Variants in ABCB11 observed in about 807,000 individuals in gnomAD.
ABCB11 encodes ATP binding cassette subfamily B member 11, also known as bile salt export pump.
Under a neutral mutation model 148.0 loss-of-function variants are expected in ABCB11, and 95 were observed. The observed-to-expected ratio is 0.64, with a 90% CI of 0.54 to 0.76. ABCB11 has a LOEUF of 0.76. ABCB11 is among the 30% of genes least tolerant of loss of function. The probability of loss-of-function intolerance (pLI) is 0.00; values close to 1 mark genes in which losing one functional copy is unlikely to be tolerated. For missense variants in ABCB11, 1,523 were observed against 1,617.8 expected (o/e 0.94, Z 1.01); for synonymous variants, 591 against 555.4 (o/e 1.06, Z -0.90).
At position 168,958,044 on chromosome 2, in the gene ABCB11, T is replaced by A. The variant is rs368297188; in HGVS notation, c.2263A>T (p.Met755Leu). ...LKFSAPEWPY[M>L]LVGSVGAAVN... ...GCTGCACCCACAGACCCTACCAGCA[T>A]GTAGGGCCATTCTGGAGCACTGAAT... The change falls in exon 19 of 28, where the codon ATG (methionine) becomes TTG (leucine). Residue 755 changes from methionine to leucine, a missense_variant. Coordinates refer to ENST00000650372, the MANE Select transcript of ABCB11 (RefSeq NM_003742.4). The A allele has an allele frequency of 6.2e-7, 1 of 1,611,272 alleles. No homozygotes were observed. The highest frequency in any genetic ancestry group is 1.1e-5 in the South Asian group (1 of 90,966).
At chr2:168,938,142 C>T (rs1361074240) in intron 21 of ABCB11, among the ~76,000 whole-genome samples, 3 of 152,186 alleles carry the variant, frequency 2.0e-5, no homozygotes, top group Admixed American at 6.5e-5. Context: ...ATTGAAGACA[C>T]AAATGGAATA....
rs1691108519 is a variant in ABCB11 at position 168,922,420 on chromosome 2, T to C, written c.*1202A>G. Among the ~76,000 whole-genome samples, 1 of 152,186 alleles carries C rather than the reference T, an allele frequency of 6.6e-6. No homozygotes were observed. The highest frequency in any genetic ancestry group is 1.5e-5 in the Non-Finnish European group (1 of 68,032). On this transcript the variant is annotated 3_prime_UTR_variant, in exon 28 of 28. Transcript: ENST00000650372. ...GCGGGGCTCTGCAATTCTGTTTCCATACAGGCTTTTGGTCCATTCTTCTGT... is the reference window on the plus strand; with the variant it reads ...GCGGGGCTCTGCAATTCTGTTTCCACACAGGCTTTTGGTCCATTCTTCTGT...
downstream of ABCB11, among the ~76,000 whole-genome samples, chr2:168,917,811 C>A (rs1382728485): frequency 6.6e-6 from 1 of 152,166 alleles, no homozygotes; most frequent in Admixed American, 6.5e-5. Flanking sequence ...TATTCTAATT[C>A]TGTGTTGTCC....
Position 169,029,898 on chromosome 2 carries a change from G to A in ABCB11, c.-28+1327C>T, listed in dbSNP as rs1000696779. Among the ~76,000 whole-genome samples, 47 of 145,958 alleles carry A rather than the reference G, an allele frequency of 3.2e-4. 3 individuals are homozygous for A. Among genetic ancestry groups the A allele is most frequent in the African/African-American group, 1.2e-3 (46 of 38,760 alleles). On this transcript the variant is annotated intron_variant, in intron 1 of 27. Coordinates refer to ENST00000650372, the MANE Select transcript of ABCB11 (RefSeq NM_003742.4). ...TGGGACTACAGGCGCCCGCCACCGC[G>A]CCCGGCTAATTTTTTGTATTTTTAG... is the stretch of plus-strand genomic sequence containing the variant.
intron 9 of ABCB11, among the ~76,000 whole-genome samples, chr2:168,986,612 T>C (rs1274966828): frequency 2.0e-5 from 3 of 152,108 alleles, no homozygotes; most frequent in African/African-American, 4.8e-5. Context: ...GTTTGAAGTG[T>C]TTCCTTGAGT....
chr2:168,931,948 C>T (rs1168605214), intron 24 of ABCB11, among the ~76,000 whole-genome samples: 2 of 152,168 alleles, frequency 1.3e-5, no homozygotes, highest in African/African-American at 4.8e-5. Context: ...TCCCTAATGG[C>T]TGTCCTGCAC....
intron 19 of ABCB11, among the ~76,000 whole-genome samples, chr2:168,949,069 C>T (rs918866856): frequency 1.3e-5 from 2 of 151,588 alleles, no homozygotes; most frequent in Non-Finnish European, 3.0e-5. Flanking sequence ...GGGCCCTAGT[C>T]CTGGCCCCAT....
At position 168,921,496 on chromosome 2, in the gene ABCB11, G is replaced by A. The variant is rs952434991; in HGVS notation, c.*2126C>T. 2.0e-4 allele frequency among the ~76,000 whole-genome samples: 30 copies of A among 152,050 alleles called. No homozygotes were observed. The highest frequency in any genetic ancestry group is 6.5e-4 in the African/African-American group (27 of 41,394). On this transcript the variant is annotated 3_prime_UTR_variant, in exon 28 of 28. Transcript: ENST00000650372. ...CTGTGACAAGAGCTCTTTTTTGTAT[G>A]TTCACTTTTATTGATTCCTGTTTTT...
intron 1 of ABCB11, among the ~76,000 whole-genome samples, chr2:169,020,994 G>T (rs1199816944): frequency 6.7e-6 from 1 of 149,402 alleles, no homozygotes; most frequent in Non-Finnish European, 1.5e-5. Context: ...ACCAAGTCTT[G>T]CTCTGTTGCC....
chr2:168,956,176 T>C (rs1692782948), intron 19 of ABCB11, among the ~76,000 whole-genome samples: 1 of 151,496 alleles, frequency 6.6e-6, no homozygotes, highest in Non-Finnish European at 1.5e-5. Flanking sequence ...CTACAAAGTT[T>C]TAAACAACCA....
chr2:168,972,064 G>C lies in ABCB11; in HGVS notation c.1435-14C>G. Reference sequence around the variant, plus strand: ...ATCCACGGTCACCTAGAGAGCATGGGCACAACATCACAACTTTTGGAATCT... The same window carrying C: ...ATCCACGGTCACCTAGAGAGCATGGCCACAACATCACAACTTTTGGAATCT... On this transcript the variant is annotated splice_polypyrimidine_tract_variant and intron_variant, in intron 13 of 27. Transcript: ENST00000650372. 1.2e-6 allele frequency: 2 copies of C among 1,608,472 alleles called. No homozygotes were observed. Among genetic ancestry groups the C allele is most frequent in the East Asian group, 4.5e-5 (2 of 44,616 alleles).
At position 168,923,330 on chromosome 2, in the gene ABCB11, CA is replaced by C; in HGVS notation, c.*291del. 2.0e-6 allele frequency: 1 copy of C among 503,028 alleles called. No homozygotes were observed. The highest frequency in any genetic ancestry group is 3.6e-6 in the Non-Finnish European group (1 of 280,214). 31.2% of individuals were successfully genotyped at this position (503,028 alleles called of 1,614,324 possible). Reference sequence around the variant, plus strand: ...ACATATTAATCAGGACTGGCTCCTGCACAGAGAAGCACTGAGTGGTGGCTGA... The same window carrying C: ...ACATATTAATCAGGACTGGCTCCTGCCAGAGAAGCACTGAGTGGTGGCTGA... On this transcript the variant is annotated 3_prime_UTR_variant, in exon 28 of 28. Coordinates refer to ENST00000650372, the MANE Select transcript of ABCB11 (RefSeq NM_003742.4).
intron 21 of ABCB11, among the ~76,000 whole-genome samples, 184 bp downstream of exon 21, chr2:168,944,421 C>A (rs573333423): frequency 6.6e-6 from 1 of 152,096 alleles, no homozygotes; most frequent in South Asian, 2.1e-4. Flanking sequence ...CTGGGCACTG[C>A]CTGGGAGACA....
chr2:168,921,897 G>T lies in ABCB11; in HGVS notation c.*1725C>A, dbSNP rs1339575924. 2.7e-5 allele frequency among the ~76,000 whole-genome samples: 4 copies of T among 146,174 alleles called. No individual in the cohort carries two copies. Among genetic ancestry groups the T allele is most frequent in the African/African-American group, 1.0e-4 (4 of 38,504 alleles). On this transcript the variant is annotated 3_prime_UTR_variant, in exon 28 of 28. Transcript: ENST00000650372. ...TTTTTTTCGCTCTGTCGCCCAGGCT[G>T]GAGTGCAGTGGCGCGATCTCGGCTC...
chr2:169,030,820 G>A (rs547164856), intron 1 of ABCB11, among the ~76,000 whole-genome samples: 1 of 151,984 alleles, frequency 6.6e-6, no homozygotes, highest in African/African-American at 2.4e-5. Flanking sequence ...AGCTTTCAAG[G>A]GTAGAATTTG....
intron 8 of ABCB11, among the ~76,000 whole-genome samples, chr2:168,992,908 T>C (rs534480674): frequency 2.0e-5 from 3 of 152,246 alleles, no homozygotes; most frequent in African/African-American, 7.2e-5. Context: ...AGTTTTTCAG[T>C]TAAATTCTAT....
At position 168,922,426 on chromosome 2, in the gene ABCB11, C is replaced by T. The variant is rs1237022363; in HGVS notation, c.*1196G>A. 4.6e-5 allele frequency among the ~76,000 whole-genome samples: 7 copies of T among 152,288 alleles called. No individual in the cohort carries two copies. In the South Asian group the frequency reaches 8.3e-4, roughly 18 times the overall value. ...CTCTGCAATTCTGTTTCCATACAGG[C>T]TTTTGGTCCATTCTTCTGTCTTCAG... On this transcript the variant is annotated 3_prime_UTR_variant, in exon 28 of 28. Coordinates refer to ENST00000650372, the MANE Select transcript of ABCB11 (RefSeq NM_003742.4).
chr2:168,924,806 G>C lies in ABCB11; in HGVS notation c.3619-3C>G. 6.2e-7 allele frequency: 1 copy of C among 1,605,342 alleles called. No individual in the cohort carries two copies. The highest frequency in any genetic ancestry group is 8.5e-7 in the Non-Finnish European group (1 of 1,176,700). The stretch of plus-strand genomic sequence containing the variant: ...GACCCAACGTTAGTTTCATATTTCT[G>C]AAAAAAAGTATGATAAGTTTGAGAA... On this transcript the variant is annotated splice_region_variant and splice_polypyrimidine_tract_variant and intron_variant, in intron 26 of 27. Transcript: ENST00000650372.
intron 4 of ABCB11, 72 bp downstream of exon 4, chr2:169,014,231 T>G: frequency 1.4e-6 from 2 of 1,435,162 alleles, no homozygotes; most frequent in Non-Finnish European, 9.8e-7. Flanking sequence ...ACTAAAGATT[T>G]AACACTCCCC....
Sources: allele counts gnomAD v4.1 joint callset (sites outside exome capture counted in the v4.1 genomes callset), GRCh38; gene constraint gnomAD v4.1.1; transcripts MANE v1.5; gene names NCBI Gene and HGNC (gene_info 2026-07-23, HGNC 2026-07-21).